IL23R: variants seen among roughly 807,000 people sequenced by gnomAD.
IL23R encodes interleukin-23 receptor.
IL23R carries 34 observed loss-of-function variants against 56.9 expected under a neutral mutation model. The observed-to-expected ratio is 0.60, with a 90% CI of 0.45 to 0.80. The LOEUF is 0.80. Ranked by LOEUF, IL23R falls within the 30% of genes least tolerant of loss-of-function variation. The pLI, the probability that IL23R is intolerant of heterozygous loss-of-function variation, is 0.00. For synonymous variants in IL23R, 230 were observed against 249.2 expected (o/e 0.92, Z 0.73); for missense variants, 635 against 730.0 (o/e 0.87, Z 1.50).
intron 4 of IL23R, among the ~76,000 whole-genome samples, chr1:67,186,855 A>T (rs1262973525): frequency 6.6e-6 from 1 of 152,174 alleles, no homozygotes; most frequent in Admixed American, 6.6e-5. Flanking sequence ...TCCTGAGCTC[A>T]GGCAACCCTC....
At chr1:67,168,423 G>C in intron 2 of IL23R, among the ~76,000 whole-genome samples, 1 of 152,096 alleles carries the variant, frequency 6.6e-6, no homozygotes, top group East Asian at 1.9e-4. Flanking sequence ...CTCACATGTG[G>C]ATATTTCCAC....
At chr1:67,179,729 C>G (rs1647063697) in intron 3 of IL23R, among the ~76,000 whole-genome samples, 1 of 152,124 alleles carries the variant, frequency 6.6e-6, no homozygotes, top group Non-Finnish European at 1.5e-5. Flanking sequence ...AATTTTAGAT[C>G]TTTCCTGCTT....
intron 5 of IL23R, among the ~76,000 whole-genome samples, chr1:67,201,321 T>A (rs1232730919): frequency 2.0e-5 from 3 of 151,666 alleles, no homozygotes; most frequent in African/African-American, 7.3e-5. Flanking sequence ...GGCAGGAGAA[T>A]TGCTTGAATC....
chr1:67,181,417 G>C (rs1167104774), intron 3 of IL23R, among the ~76,000 whole-genome samples: 1 of 152,284 alleles, frequency 6.6e-6, no homozygotes, highest in East Asian at 1.9e-4. Context: ...TCTTCCAGTT[G>C]ATCGAATTGG....
chr1:67,157,628 T>C (rs1646780546), intron 1 of IL23R, among the ~76,000 whole-genome samples: 2 of 152,228 alleles, frequency 1.3e-5, no homozygotes, highest in South Asian at 4.1e-4. Context: ...ATCTCCTGTC[T>C]GTCTGAAATG....
At chr1:67,219,779 T>A in intron 7 of IL23R, 49 bp downstream of exon 7, 1 of 1,554,518 alleles carries the variant, frequency 6.4e-7, no homozygotes, top group South Asian at 1.1e-5. Context: ...TTTATATATC[T>A]TTTCTGCTGA....
downstream of IL23R, among the ~76,000 whole-genome samples, chr1:67,264,944 T>TG (rs199728750): frequency 1.3e-5 from 2 of 152,148 alleles, no homozygotes; most frequent in Non-Finnish European, 2.9e-5. Context: ...GAGACGGGGT[T>TG]GGGGGGGAAC....
At chr1:67,228,888 C>G (rs1650915740) in intron 7 of IL23R, among the ~76,000 whole-genome samples, 1 of 152,174 alleles carries the variant, frequency 6.6e-6, no homozygotes, top group Non-Finnish European at 1.5e-5. Flanking sequence ...TCTAGGATAG[C>G]CACTTCCTCT....
rs1646894432 is a variant in IL23R at position 67,168,032 on chromosome 1, T to C, written c.-29-60T>C. On this transcript the variant is annotated intron_variant, in intron 1 of 10. Coordinates refer to ENST00000347310, the MANE Select transcript of IL23R (RefSeq NM_144701.3). ...CAATAATTCTTAGGGAAAAATGTTA[T>C]GCTTTTTATTATTTTACTAAAATAC... 3.9e-5 allele frequency: 37 copies of C among 945,046 alleles called. No homozygotes were observed. In the South Asian group the frequency reaches 4.9e-4, roughly 13 times the overall value. The allele number at this position is 945,046 out of a possible 1,614,324, so 58.5% of individuals were successfully genotyped here.
At chr1:67,242,813 A>C (rs1028809253) in intron 9 of IL23R, among the ~76,000 whole-genome samples, 8 of 152,160 alleles carry the variant, frequency 5.3e-5, no homozygotes, top group African/African-American at 1.9e-4. Context: ...TACTATTATA[A>C]CATCAGTCTT....
At chr1:67,253,335 T>G (rs776966648) in intron 9 of IL23R, among the ~76,000 whole-genome samples, 1 of 152,182 alleles carries the variant, frequency 6.6e-6, no homozygotes. Context: ...TTTCTAAATT[T>G]TACTGATGCA....
At chr1:67,146,015 A>G (rs1236671256) in intron 1 of IL23R, among the ~76,000 whole-genome samples, 1 of 152,214 alleles carries the variant, frequency 6.6e-6, no homozygotes, top group Non-Finnish European at 1.5e-5. Context: ...GGCACAGAGA[A>G]GCCATGTGGA....
intron 4 of IL23R, among the ~76,000 whole-genome samples, 158 bp downstream of exon 4, chr1:67,183,117 CT>C (rs1462970356): frequency 6.6e-6 from 1 of 152,218 alleles, no homozygotes; most frequent in Non-Finnish European, 1.5e-5. Context: ...TACCAAAGCC[CT>C]TTTCAAGCCA....
At chr1:67,250,247 T>C in intron 9 of IL23R, among the ~76,000 whole-genome samples, 1 of 152,204 alleles carries the variant, frequency 6.6e-6, no homozygotes, top group East Asian at 1.9e-4. Context: ...CTAAATTTCC[T>C]TTCATGTATC....
At position 67,257,526 on chromosome 1, in the gene IL23R, G is replaced by A. The variant is rs116239744; in HGVS notation, c.1240-952G>A. On this transcript the variant is annotated intron_variant, in intron 10 of 10. Coordinates refer to ENST00000347310, the MANE Select transcript of IL23R (RefSeq NM_144701.3). ...GAGAGGGCACACAAACGTTTAGTCC[G>A]TAACAGGGGGCTATAATATTATAAT... 7.7e-3 allele frequency among the ~76,000 whole-genome samples: 1,174 copies of A among 152,208 alleles called. 16 individuals carry two copies. The highest frequency in any genetic ancestry group is 0.027 in the African/African-American group (1,111 of 41,532).
intron 6 of IL23R, among the ~76,000 whole-genome samples, chr1:67,207,442 C>A (rs1490911302): frequency 6.6e-6 from 1 of 152,080 alleles, no homozygotes; most frequent in Non-Finnish European, 1.5e-5. Context: ...TGGCTGCATC[C>A]CCACCAAATC....
chr1:67,244,061 T>C (rs1010716324), intron 9 of IL23R, among the ~76,000 whole-genome samples: 17 of 152,248 alleles, frequency 1.1e-4, no homozygotes, highest in Admixed American at 2.0e-4. Flanking sequence ...TAATGACTAG[T>C]GATGACGAGC....
intron 4 of IL23R, among the ~76,000 whole-genome samples, chr1:67,196,977 G>T (rs1250316829): frequency 6.6e-6 from 1 of 152,180 alleles, no homozygotes; most frequent in African/African-American, 2.4e-5. Flanking sequence ...ACATCCAAAT[G>T]AAGCTCCCAG....
Position 67,214,534 on chromosome 1 carries a change from GTAC to G in IL23R, c.799-5039_799-5037del, listed in dbSNP as rs1475503724. ...AAGGTTTTGAAAAGTGAGCTCAAAT[GTAC>G]CTGTTACCAAGATGGCCTATGTAGC... On this transcript the variant is annotated intron_variant, in intron 6 of 10. Coordinates refer to ENST00000347310, the MANE Select transcript of IL23R (RefSeq NM_144701.3). Among the ~76,000 whole-genome samples the G allele has an allele frequency of 2.0e-5, 3 of 152,306 alleles. No homozygotes were observed. In the South Asian group the frequency reaches 6.2e-4, roughly 32 times the overall value.
Sources: allele counts gnomAD v4.1 joint callset (sites outside exome capture counted in the v4.1 genomes callset), GRCh38; gene constraint gnomAD v4.1.1; transcripts MANE v1.5; gene names NCBI Gene and HGNC (gene_info 2026-07-23, HGNC 2026-07-21).